Variants in GC observed in about 807,000 individuals in gnomAD.
The protein encoded by GC is GC vitamin D binding protein.
GC carries 43 observed loss-of-function variants against 56.7 expected under a neutral mutation model. The ratio of observed to expected loss-of-function variants is 0.76; its 90% CI spans 0.59 to 0.98. The LOEUF is 0.98. Among genes scored for constraint, GC ranks in the 50% least tolerant of loss-of-function variants. The pLI is 0.00. For missense variants in GC, 529 were observed against 545.9 expected (o/e 0.97, Z 0.31); for synonymous variants, 216 against 202.7 (o/e 1.07, Z -0.56).
At position 71,752,510 on chromosome 4, in the gene GC, T is replaced by C; in HGVS notation, c.1395+8A>G. Reference sequence around the variant, plus strand: ...TGCCATGTTAAGTGGAGGGTTACATTTTCCTACCTCTGAATCACAGTAAAG... The same window carrying C: ...TGCCATGTTAAGTGGAGGGTTACATCTTCCTACCTCTGAATCACAGTAAAG... On this transcript the variant is annotated splice_region_variant and intron_variant, in intron 11 of 12. Coordinates refer to ENST00000273951, the MANE Select transcript of GC (RefSeq NM_000583.4). The C allele has an allele frequency of 6.2e-7, 1 of 1,608,226 alleles. No individual in the cohort carries two copies. The highest frequency in any genetic ancestry group is 1.1e-5 in the South Asian group (1 of 90,038).
At chr4:71,765,364 G>T in intron 4 of GC, 68 bp downstream of exon 4, 1 of 1,224,242 alleles carries the variant, frequency 8.2e-7, no homozygotes, top group South Asian at 1.2e-5. Flanking sequence ...CCACAGAGTA[G>T]GGGGTTAGAT....
At chr4:71,792,406 C>T (rs1195717070) in intron 1 of GC, among the ~76,000 whole-genome samples, 1 of 152,208 alleles carries the variant, frequency 6.6e-6, no homozygotes, top group East Asian at 1.9e-4. Context: ...TTGCATTTCT[C>T]TGATGACCAG....
intron 3 of GC, 23 bp downstream of exon 3, chr4:71,768,278 G>T (rs914651304): frequency 3.8e-5 from 59 of 1,564,682 alleles, no homozygotes; most frequent in Non-Finnish European, 4.9e-5. Flanking sequence ...CTGCCACAGA[G>T]ACGGCCAGCC....
intron 1 of GC, among the ~76,000 whole-genome samples, chr4:71,778,799 C>T (rs1248850544): frequency 6.6e-5 from 10 of 151,522 alleles, no homozygotes; most frequent in East Asian, 5.8e-4. Context: ...ATAGTGAGAC[C>T]GCTGGCAAGT....
At chr4:71,802,890 G>A (rs1233761941) in intron 1 of GC, among the ~76,000 whole-genome samples, 1 of 152,170 alleles carries the variant, frequency 6.6e-6, no homozygotes. Flanking sequence ...AATTTATGAT[G>A]AGTTTAATCC....
chr4:71,758,477 T>C (rs1311002715), intron 6 of GC, among the ~76,000 whole-genome samples: 1 of 152,196 alleles, frequency 6.6e-6, no homozygotes, highest in Non-Finnish European at 1.5e-5. Flanking sequence ...AAGTCACAAA[T>C]GTCTCTTTCT....
intron 1 of GC, 176 bp from the exon 2 acceptor site, chr4:71,769,576 C>T: frequency 1.8e-6 from 1 of 549,578 alleles, no homozygotes; most frequent in Non-Finnish European, 3.3e-6. Flanking sequence ...TAACAGGCCA[C>T]AATTTTATGA....
At chr4:71,783,820 A>C in intron 1 of GC, 141 bp downstream of exon 1, 1 of 482,450 alleles carries the variant, frequency 2.1e-6, no homozygotes, top group Non-Finnish European at 3.6e-6. Context: ...GCTCTGATTA[A>C]TGCCTCTCTG....
Position 71,784,070 on chromosome 4 carries a change from T to C in GC, c.-52A>G, listed in dbSNP as rs1363372103. 3.8e-6 allele frequency: 6 copies of C among 1,562,802 alleles called. No homozygotes were observed. The African/African-American group carries it at 5.5e-5, about 14-fold the overall frequency. ...CTCCTCTCTCCTGTAGGTGACCATG[T>C]AAAAGTGGTAGCCAAAAGTAATTGG... On this transcript the variant is annotated 5_prime_UTR_variant, in exon 1 of 13. Transcript: ENST00000273951.
rs111858822 is a variant in GC, at chr4:71,792,613, C to T, written c.22-8559G>A. Among the ~76,000 whole-genome samples the T allele has an allele frequency of 9.2e-5, 14 of 152,178 alleles. 2 individuals carry two copies. Among genetic ancestry groups the T allele is most frequent in the African/African-American group, 3.4e-4 (14 of 41,526 alleles). On this transcript the variant is annotated intron_variant, in intron 1 of 13. Transcript: ENST00000504199. The stretch of plus-strand genomic sequence containing the variant: ...AAATTTTCTCCCATTCTTAGGTTGT[C>T]TGTTCATTCTGATGGTAGTTTCTTT...
At chr4:71,779,031 C>G (rs1397798325) in intron 1 of GC, among the ~76,000 whole-genome samples, 1 of 151,316 alleles carries the variant, frequency 6.6e-6, no homozygotes, top group East Asian at 1.9e-4. Context: ...CAGCTATCTC[C>G]TGGGAGCATG....
upstream of GC, chr4:71,786,089 C>A: frequency 6.6e-6 from 1 of 151,906 alleles, no homozygotes; most frequent in South Asian, 2.1e-4. Flanking sequence ...ATATTTACCA[C>A]GTTTGTTTAA....
At chr4:71,765,863 G>A (rs1742138247) in intron 3 of GC, among the ~76,000 whole-genome samples, 1 of 152,136 alleles carries the variant, frequency 6.6e-6, no homozygotes, top group South Asian at 2.1e-4. Flanking sequence ...CCTCAGAGTA[G>A]AACAAAAATA....
chr4:71,779,297 G>C (rs1196603380), intron 1 of GC, among the ~76,000 whole-genome samples: 1 of 151,820 alleles, frequency 6.6e-6, no homozygotes, highest in Non-Finnish European at 1.5e-5. Flanking sequence ...TAGGTGCTAA[G>C]AAGAAAAAAT....
intron 1 of GC, among the ~76,000 whole-genome samples, chr4:71,782,227 A>G (rs1433638043): frequency 1.3e-5 from 2 of 151,758 alleles, no homozygotes; most frequent in South Asian, 2.1e-4. Flanking sequence ...ATTCAAACCA[A>G]TCCCCCACAA....
intron 11 of GC, among the ~76,000 whole-genome samples, chr4:71,746,773 A>AAG (rs1741384152): frequency 4.5e-4 from 1 of 2,218 alleles, no homozygotes; most frequent in Non-Finnish European, 1.8e-3. Flanking sequence ...TCTATTTTGT[A>AAG]AAAAAAAAAA....
intron 3 of GC, among the ~76,000 whole-genome samples, chr4:71,767,164 T>C (rs1320469690): frequency 6.6e-6 from 1 of 152,188 alleles, no homozygotes; most frequent in Non-Finnish European, 1.5e-5. Flanking sequence ...AAGCAATTAA[T>C]GGGTAAGAAT....
chr4:71,765,107 C>T (rs368543421), intron 4 of GC, among the ~76,000 whole-genome samples: 9 of 152,102 alleles, frequency 5.9e-5, no homozygotes, highest in Non-Finnish European at 7.3e-5. Context: ...ATATGACATA[C>T]GCAATGATCC....
At chr4:71,766,982 G>T (rs989150625) in intron 3 of GC, among the ~76,000 whole-genome samples, 1 of 152,106 alleles carries the variant, frequency 6.6e-6, no homozygotes, top group African/African-American at 2.4e-5. Flanking sequence ...CTGATCAAGG[G>T]ATGTATTAGC....
Sources: allele counts gnomAD v4.1 joint callset (sites outside exome capture counted in the v4.1 genomes callset), GRCh38; gene constraint gnomAD v4.1.1; transcripts MANE v1.5; gene names NCBI Gene and HGNC (gene_info 2026-07-23, HGNC 2026-07-21).